Variants in ABCC2 observed in about 807,000 individuals in gnomAD.
ABCC2 encodes ATP binding cassette subfamily C member 2.
A neutral mutation model predicts 173.4 loss-of-function variants in ABCC2; 157 were observed. That is an observed-to-expected ratio of 0.91 (90% CI 0.80 to 1.03). The LOEUF (loss-of-function observed/expected upper bound fraction) is 1.03, where lower values mean the gene tolerates loss of function less well. ABCC2 is among the 50% of genes least tolerant of loss of function. The pLI, the probability that ABCC2 is intolerant of heterozygous loss-of-function variation, is 0.00. For missense variants in ABCC2, 1,822 were observed against 1,852.3 expected, an observed-to-expected ratio of 0.98 and a Z score of 0.30; for synonymous variants, 657 against 693.5, an observed-to-expected ratio of 0.95 and a Z score of 0.83.
At chr10:99,851,285 G>T (rs1377876270) in intron 31 of ABCC2, among the ~76,000 whole-genome samples, 3 of 152,148 alleles carry the variant, frequency 2.0e-5, no homozygotes, top group Admixed American at 6.5e-5. Flanking sequence ...TCATGTAAAT[G>T]GACTCATACT....
chr10:99,791,326 T>C (rs2037808720), intron 2 of ABCC2, among the ~76,000 whole-genome samples: 2 of 152,162 alleles, frequency 1.3e-5, no homozygotes, highest in African/African-American at 4.8e-5. Context: ...GAGAATCACT[T>C]GAACCCAGAA....
intron 19 of ABCC2, among the ~76,000 whole-genome samples, chr10:99,828,374 C>G (rs1348809705): frequency 6.6e-6 from 1 of 152,112 alleles, no homozygotes; most frequent in Non-Finnish European, 1.5e-5. Flanking sequence ...GTGAGCTGCA[C>G]TGAGATTGGT....
chr10:99,849,153 C>G (rs1466001727), intron 30 of ABCC2, among the ~76,000 whole-genome samples: 2 of 152,278 alleles, frequency 1.3e-5, no homozygotes, highest in East Asian at 3.9e-4. Context: ...TCGCTTGAAC[C>G]CGGGTGGCGG....
Position 99,830,400 on chromosome 10 carries a change from G to T in ABCC2, c.2714G>T (p.Arg905Ile), listed in dbSNP as rs201874841. The T allele has an allele frequency of 3.8e-5, 62 of 1,614,092 alleles. No homozygotes were observed. In the Middle Eastern group the frequency reaches 9.9e-4, roughly 26 times the overall value. Residue 905 changes from arginine (R) to isoleucine (I), a missense_variant, in exon 20 of 32, where the codon AGA becomes ATA. Physicochemically the swap from Arg to Ile is moderately conservative, Grantham distance 97. Transcript: ENST00000647814. ...PEDAASITMR[R>I]ENSFRRTLSR... ...GATGCAGCCTCCATAACCATGAGAA[G>T]AGAGAACAGCTTTCGTCGAACACTT...
At chr10:99,819,581 G>A (rs973531051) in intron 19 of ABCC2, among the ~76,000 whole-genome samples, 1 of 152,140 alleles carries the variant, frequency 6.6e-6, no homozygotes, top group South Asian at 2.1e-4. Context: ...GTGGCACAAC[G>A]GTCCCTCTTT....
rs138988852 is a variant in ABCC2 at position 99,830,438 on chromosome 10, G to A, written c.2747+5G>A. The A allele has an allele frequency of 2.3e-4, 365 of 1,614,168 alleles. 4 individuals are homozygous for A. In the East Asian group the frequency reaches 7.3e-3, roughly 32 times the overall value. ...TCGTCGAACACTTAGCCGCAGGTTG[G>A]CTATCTATTCAGCTGGCAGCCCTCG... is the stretch of plus-strand genomic sequence containing the variant. On this transcript the variant is annotated splice_donor_5th_base_variant and intron_variant, in intron 20 of 31. Coordinates refer to ENST00000647814, the MANE Select transcript of ABCC2 (RefSeq NM_000392.5).
chr10:99,849,759 TCTC>T (rs1254612400), intron 30 of ABCC2, among the ~76,000 whole-genome samples: 2 of 152,192 alleles, frequency 1.3e-5, no homozygotes, highest in African/African-American at 4.8e-5. Flanking sequence ...TGACTTCTCA[TCTC>T]CTGCAGAAAT....
At chr10:99,818,539 A>G (rs1590170977) in intron 17 of ABCC2, among the ~76,000 whole-genome samples, 1 of 152,384 alleles carries the variant, frequency 6.6e-6, no homozygotes, top group East Asian at 1.9e-4. Flanking sequence ...CTACATTGTC[A>G]CAGGGTGACA....
At position 99,818,875 on chromosome 10, in the gene ABCC2, A is replaced by C. The variant is rs780144697; in HGVS notation, c.2357A>C (p.Asp786Ala). The C allele has an allele frequency of 6.2e-6, 10 of 1,613,956 alleles. No individual in the cohort carries two copies. Among genetic ancestry groups the C allele is most frequent in the Non-Finnish European group, 8.5e-6 (10 of 1,180,002 alleles). ...AATTTAGACATCTATCTTCTAGATG[A>C]CCCCCTGTCTGCAGTGGATGCTCAT... ...YQNLDIYLLDDPLSAVDAHVG... is the reference protein window; with the variant it reads ...YQNLDIYLLDAPLSAVDAHVG... Residue 786 changes from aspartate to alanine, a missense_variant, in exon 18 of 32, where the codon GAC becomes GCC. Physicochemically the swap from Asp to Ala is moderately radical, Grantham distance 126 (BLOSUM62 -2). Transcript: ENST00000647814.
intron 11 of ABCC2, among the ~76,000 whole-genome samples, chr10:99,806,077 C>CTGTGTGTGTG (rs10559742): frequency 6.8e-5 from 10 of 148,044 alleles, no homozygotes; most frequent in African/African-American, 2.0e-4. Flanking sequence ...CTCTCTCTGT[C>CTGTGTGTGTG]TGTGTGTGTG....
intron 24 of ABCC2, 104 bp from the exon 25 acceptor site, chr10:99,835,987 T>C (rs2038814096): frequency 8.9e-7 from 1 of 1,124,176 alleles, no homozygotes; most frequent in East Asian, 2.4e-5. Context: ...AGACGTAAGC[T>C]GTGCCCATCA....
At chr10:99,787,108 C>T (rs1590136120) in intron 2 of ABCC2, among the ~76,000 whole-genome samples, 1 of 150,000 alleles carries the variant, frequency 6.7e-6, no homozygotes, top group East Asian at 2.0e-4. Flanking sequence ...GTGGAGGTTA[C>T]AGTGAGCCAA....
intron 6 of ABCC2, among the ~76,000 whole-genome samples, chr10:99,795,036 A>G (rs111829942): frequency 5.3e-5 from 8 of 152,256 alleles, no homozygotes; most frequent in African/African-American, 1.7e-4. Context: ...AGGCAGTAGG[A>G]CAGGAAAGGA....
At chr10:99,797,866 A>C (rs2037946429) in intron 7 of ABCC2, 1 of 179,182 alleles carries the variant, frequency 5.6e-6, no homozygotes, top group South Asian at 1.2e-4. Flanking sequence ...AGGAGATGAC[A>C]TCTGAACAGA....
At chr10:99,800,674 A>AG in intron 9 of ABCC2, 111 bp downstream of exon 9, 10 of 1,230,300 alleles carry the variant, frequency 8.1e-6, no homozygotes, top group South Asian at 1.2e-5. Context: ...TCAACACTTA[A>AG]TGTTGACTGG....
At chr10:99,811,396 A>T in intron 14 of ABCC2, 140 bp from the exon 15 acceptor site, 1 of 817,464 alleles carries the variant, frequency 1.2e-6, no homozygotes, top group Non-Finnish European at 2.1e-6. Context: ...AGGAGATTTC[A>T]TTCACCTCCT....
At chr10:99,792,388 T>A in intron 3 of ABCC2, 29 bp downstream of exon 3, 2 of 1,612,702 alleles carry the variant, frequency 1.2e-6, no homozygotes, top group South Asian at 2.2e-5. Context: ...CTGCCCTGTT[T>A]ACCTTTTCAT....
chr10:99,822,655 A>T (rs1250777393), intron 19 of ABCC2, among the ~76,000 whole-genome samples: 2 of 150,850 alleles, frequency 1.3e-5, no homozygotes, highest in Admixed American at 6.6e-5. Context: ...TACCAGTAAG[A>T]TGTTGTTCTG....
At chr10:99,808,033 C>A (rs1250830070) in intron 12 of ABCC2, 50 bp from the exon 13 acceptor site, 2 of 1,603,786 alleles carry the variant, frequency 1.2e-6, no homozygotes, top group Admixed American at 3.3e-5. Flanking sequence ...TAGCACAATG[C>A]TGCTTGGTCC....
Sources: allele counts gnomAD v4.1 joint callset (sites outside exome capture counted in the v4.1 genomes callset), GRCh38; gene constraint gnomAD v4.1.1; transcripts MANE v1.5; gene names NCBI Gene and HGNC (gene_info 2026-07-23, HGNC 2026-07-21).